Variants in VPS53 observed in about 807,000 individuals in gnomAD.
VPS53 encodes vacuolar protein sorting-associated protein 53 homolog.
A neutral mutation model predicts 107.0 loss-of-function variants in VPS53; 70 were observed. That is an observed-to-expected ratio of 0.65 (90% CI 0.54 to 0.80). VPS53 has a LOEUF of 0.80. VPS53 is among the 30% of genes least tolerant of loss of function. The pLI, the probability that VPS53 is intolerant of heterozygous loss-of-function variation, is 0.00. For synonymous variants in VPS53, 409 were observed against 393.3 expected (o/e 1.04, Z -0.47); for missense variants, 917 against 1,049.4 (o/e 0.87, Z 1.74).
Position 576,560 on chromosome 17 carries a change from G to T in VPS53, c.1313+9710C>A, listed in dbSNP as rs575395753. On this transcript the variant is annotated intron_variant, in intron 13 of 21. Transcript: ENST00000437048. Reference sequence around the variant, plus strand: ...CAGAACCTCCTCCAGCACCTAATGCGTTCCCAGAGAACCTCCCACAGACCT... The same window carrying T: ...CAGAACCTCCTCCAGCACCTAATGCTTTCCCAGAGAACCTCCCACAGACCT... Among the ~76,000 whole-genome samples the T allele has an allele frequency of 6.7e-5, 10 of 149,140 alleles. No individual in the cohort carries two copies. The South Asian group carries it at 1.9e-3, about 29-fold the overall frequency.
At chr17:691,194 T>G (rs1464708940) in intron 4 of VPS53, among the ~76,000 whole-genome samples, 2 of 152,212 alleles carry the variant, frequency 1.3e-5, no homozygotes, top group African/African-American at 4.8e-5. Flanking sequence ...ATTTTCAATT[T>G]CAGAAGCTGT....
rs78405696 is a variant in VPS53 at position 514,218 on chromosome 17, C to T, written c.*4910G>A. The T allele has an allele frequency of 1.8e-5, 1 of 55,722 alleles. No homozygotes were observed. The highest frequency in any genetic ancestry group is 2.8e-5 in the Non-Finnish European group (1 of 35,796). The allele number at this position is 55,722 out of a possible 1,614,324, so 3.5% of individuals were successfully genotyped here. A position where few individuals can be genotyped will look rare whatever the true frequency, so the allele number is the denominator to read the frequency against. The stretch of plus-strand genomic sequence containing the variant: ...AGGTTATTCCGAGTGCTCTTCCTAG[C>T]GAAGGAACCCCATTTCCAGCAGGTT... On this transcript the variant is annotated 3_prime_UTR_variant, in exon 22 of 22. Coordinates refer to ENST00000437048, the MANE Select transcript of VPS53 (RefSeq NM_001128159.3).
chr17:532,258 G>T (rs1226780545), intron 19 of VPS53: 2 of 151,572 alleles, frequency 1.3e-5, no homozygotes, highest in Non-Finnish European at 2.9e-5. Flanking sequence ...AATATTCCAA[G>T]TTTTTTGCTA....
At chr17:653,584 C>G (rs1971050766) in intron 6 of VPS53, among the ~76,000 whole-genome samples, 174 bp from the exon 7 acceptor site, 2 of 152,116 alleles carry the variant, frequency 1.3e-5, no homozygotes, top group African/African-American at 2.4e-5. Flanking sequence ...AGGATCTGGT[C>G]CAAATCCTCA....
chr17:610,041 G>C (rs1345378300), intron 11 of VPS53, among the ~76,000 whole-genome samples: 1 of 151,882 alleles, frequency 6.6e-6, no homozygotes, highest in East Asian at 1.9e-4. Flanking sequence ...TGAGGCAGGA[G>C]AATGGCGTGA....
intron 12 of VPS53, among the ~76,000 whole-genome samples, chr17:587,473 GAGAC>G (rs1567652496): frequency 6.6e-6 from 1 of 152,216 alleles, no homozygotes; most frequent in Non-Finnish European, 1.5e-5. Context: ...GATAGAGAGA[GAGAC>G]AGGCAGGCAG....
In VPS53 at chr17:520,401, T is replaced by C. The variant is rs1908643358; in HGVS notation, c.2224-471A>G. ...TTCTGCCTTGACGTACTATGATTCC[T>C]GAGAAATGGGTGGCAAAAGGAGCTG... On this transcript the variant is annotated intron_variant, in intron 20 of 21. Transcript: ENST00000437048. This position sits in a 1 kb window ranked among gnomAD's most constrained non-coding sequence, Gnocchi z 4.4. Among the ~76,000 whole-genome samples, 1 of 152,172 alleles carries C rather than the reference T, an allele frequency of 6.6e-6. No individual in the cohort carries two copies. Among genetic ancestry groups the C allele is most frequent in the South Asian group, 2.1e-4 (1 of 4,828 alleles).
At chr17:610,131 A>T (rs1054150859) in intron 11 of VPS53, among the ~76,000 whole-genome samples, 1 of 480 alleles carries the variant, frequency 2.1e-3, no homozygotes, top group African/African-American at 2.3e-3. Context: ...ACTCCGTCAC[A>T]CACACACACA....
At chr17:588,229 A>C (rs765116349) in intron 12 of VPS53, among the ~76,000 whole-genome samples, 25 of 152,120 alleles carry the variant, frequency 1.6e-4, no homozygotes, top group Non-Finnish European at 3.1e-4. Flanking sequence ...GAGGTAGAAA[A>C]ATTGCTTGAA....
At chr17:679,582 C>T (rs1168024799) in intron 4 of VPS53, among the ~76,000 whole-genome samples, 1 of 152,106 alleles carries the variant, frequency 6.6e-6, no homozygotes, top group East Asian at 1.9e-4. Context: ...GATGAATAAA[C>T]TTAAACATCT....
chr17:691,920 T>C (rs773448581), intron 4 of VPS53, among the ~76,000 whole-genome samples: 4 of 152,202 alleles, frequency 2.6e-5, no homozygotes, highest in Non-Finnish European at 4.4e-5. Context: ...ATACGGCATA[T>C]ATAGGGTTTG....
At chr17:673,028 C>T (rs1053280597) in intron 4 of VPS53, among the ~76,000 whole-genome samples, 10 of 150,198 alleles carry the variant, frequency 6.7e-5, no homozygotes, top group Admixed American at 3.3e-4. Flanking sequence ...AGGAGAATGG[C>T]GTGAACCCAG....
chr17:659,354 G>A (rs1384272771), intron 5 of VPS53, among the ~76,000 whole-genome samples: 1 of 152,150 alleles, frequency 6.6e-6, no homozygotes, highest in Non-Finnish European at 1.5e-5. Context: ...TGCGATCTTG[G>A]TTCACTGCAG....
At chr17:710,161 T>C (rs1402619639) in intron 2 of VPS53, among the ~76,000 whole-genome samples, 2 of 152,014 alleles carry the variant, frequency 1.3e-5, no homozygotes, top group South Asian at 2.1e-4. Context: ...AACTAATAAA[T>C]AGAAATAAAA....
At chr17:574,594 G>A (rs1172558123) in intron 13 of VPS53, among the ~76,000 whole-genome samples, 1 of 151,914 alleles carries the variant, frequency 6.6e-6, no homozygotes, top group Admixed American at 6.6e-5. Flanking sequence ...GCAAAACTGC[G>A]TCTCTACAAA....
At chr17:662,703 G>C (rs1166805751) in intron 4 of VPS53, among the ~76,000 whole-genome samples, 3 of 129,078 alleles carry the variant, frequency 2.3e-5, no homozygotes, top group Non-Finnish European at 3.3e-5. Flanking sequence ...GAAAAGAAAA[G>C]AAAGAGAAAG....
At chr17:686,897 A>G (rs1373656104) in intron 4 of VPS53, among the ~76,000 whole-genome samples, 1 of 152,226 alleles carries the variant, frequency 6.6e-6, no homozygotes, top group Non-Finnish European at 1.5e-5. Flanking sequence ...CTGTAATCCC[A>G]GCACTTTAGG....
intron 7 of VPS53, among the ~76,000 whole-genome samples, chr17:644,532 C>T (rs962544924): frequency 1.3e-5 from 2 of 152,124 alleles, no homozygotes; most frequent in African/African-American, 4.8e-5. Context: ...CAATCCTAGT[C>T]AAGCACTGAA....
intron 11 of VPS53, among the ~76,000 whole-genome samples, chr17:615,345 T>C (rs1969086849): frequency 6.6e-6 from 1 of 152,208 alleles, no homozygotes; most frequent in African/African-American, 2.4e-5. Context: ...CCAAGGATGA[T>C]GCATCCCACT....
Sources: allele counts gnomAD v4.1 joint callset (sites outside exome capture counted in the v4.1 genomes callset), GRCh38; gene constraint gnomAD v4.1.1; non-coding constraint Gnocchi (gnomAD v3.1); transcripts MANE v1.5; gene names NCBI Gene and HGNC (gene_info 2026-07-23, HGNC 2026-07-21).